Variants in NTAN1 observed in about 807,000 individuals in gnomAD.
The protein encoded by NTAN1 is N-terminal asparagine amidase.
NTAN1 carries 32 observed loss-of-function variants against 41.9 expected under a neutral mutation model. The ratio of observed to expected loss-of-function variants is 0.76; its 90% confidence interval spans 0.58 to 1.03. The LOEUF (loss-of-function observed/expected upper bound fraction) is 1.03. Ranked by LOEUF, NTAN1 falls within the 50% of genes least tolerant of loss-of-function variation. NTAN1 has a pLI of 0.00. For synonymous variants in NTAN1, 140 were observed against 139.5 expected (o/e 1.00, Z -0.03); for missense variants, 377 against 377.5 (o/e 1.00, Z 0.01).
chr16:15,040,991 G>A lies in NTAN1; in HGVS notation c.541+77C>T, dbSNP rs149549840. On this transcript the variant is annotated intron_variant, in intron 7 of 9. Transcript: ENST00000287706. ...GCTGTCCCATCCTGACAGCAGTGGG[G>A]TCATTGGTTTGCTGAATTAGACTTT... The A allele has an allele frequency of 7.0e-5, 68 of 965,534 alleles. No homozygotes were observed. In the East Asian group the frequency reaches 1.6e-3, roughly 23 times the overall value. The allele number at this position is 965,534 out of a possible 1,614,324, so 59.8% of individuals were successfully genotyped here.
At chr16:15,044,020 G>A (rs545815467) in intron 5 of NTAN1, among the ~76,000 whole-genome samples, 5 of 152,280 alleles carry the variant, frequency 3.3e-5, no homozygotes, top group African/African-American at 1.2e-4. Flanking sequence ...ATTTTCTGCA[G>A]ATTAAAATGG....
At chr16:15,048,168 G>C (rs2044152138) in intron 1 of NTAN1, 69 bp from the exon 2 acceptor site, 2 of 1,127,072 alleles carry the variant, frequency 1.8e-6, no homozygotes, top group South Asian at 2.8e-5. Flanking sequence ...AAGATGTGGA[G>C]AGAGCCAAAG....
chr16:15,054,397 C>T (rs1044545501), intron 1 of NTAN1, among the ~76,000 whole-genome samples: 3 of 152,172 alleles, frequency 2.0e-5, no homozygotes, highest in Non-Finnish European at 2.9e-5. Flanking sequence ...GCCCGGGACA[C>T]CCATCTAACT....
chr16:15,044,256 A>G (rs1390207658), intron 5 of NTAN1, 78 bp downstream of exon 5: 17 of 963,224 alleles, frequency 1.8e-5, no homozygotes, highest in Non-Finnish European at 2.6e-5. Flanking sequence ...TTTTGTACCA[A>G]TTGGGATTTT....
chr16:15,040,032 T>G lies in NTAN1; in HGVS notation c.576A>C (p.Ala192=), dbSNP rs14347. The change falls in exon 8 of 10, where the codon GCA becomes GCC. Residue 192 remains alanine, a synonymous_variant. Transcript: ENST00000287706. ...CCTCCGGACCCCGATCTTGAAAGGA[T>G]GCTCTGTAAATCTCTGCAGTCTTAA... is the stretch of plus-strand genomic sequence containing the variant. ...VNIKTAEIYR[A]SFQDRGPEEQ... is the part of the protein sequence containing the mutation. 502,143 of 1,605,154 alleles carry G rather than the reference T, an allele frequency of 0.31. 82,282 individuals carry two copies. Among genetic ancestry groups the G allele is most frequent in the Admixed American group, 0.51 (30,450 of 59,678 alleles).
At chr16:15,041,898 G>A (rs538899615) in intron 5 of NTAN1, among the ~76,000 whole-genome samples, 1 of 152,170 alleles carries the variant, frequency 6.6e-6, no homozygotes, top group African/African-American at 2.4e-5. Context: ...TCAGCCTCAG[G>A]CCCGAAGGAG....
rs377019870 is a variant in NTAN1, at chr16:15,047,201, A to T, written c.359+241T>A. On this transcript the variant is annotated intron_variant, in intron 4 of 9. Transcript: ENST00000287706. The stretch of plus-strand genomic sequence containing the variant: ...CCTCGACGTTCCTGAGACGACATCA[A>T]GTTCAAAGTCAAGCCTTCCATCTCA... The T allele has an allele frequency of 3.4e-5, 18 of 523,616 alleles. No homozygotes were observed. The South Asian group carries it at 4.0e-4, about 12-fold the overall frequency. The allele number at this position is 523,616 out of a possible 1,614,324, so 32.4% of individuals were successfully genotyped here.
At chr16:15,052,833 A>T (rs539860248) in intron 1 of NTAN1, among the ~76,000 whole-genome samples, 76 of 152,224 alleles carry the variant, frequency 5.0e-4, no homozygotes, top group African/African-American at 1.2e-3. Context: ...TCTCAAAAAA[A>T]AAATAAATAA....
intron 8 of NTAN1, among the ~76,000 whole-genome samples, chr16:15,039,655 C>T (rs2043718193): frequency 6.6e-6 from 1 of 152,168 alleles, no homozygotes; most frequent in Non-Finnish European, 1.5e-5. Flanking sequence ...CCCAGTTCTC[C>T]TCTCTTTGTA....
intron 4 of NTAN1, chr16:15,044,950 A>C (rs1009362674): frequency 6.6e-6 from 1 of 152,650 alleles, no homozygotes; most frequent in Middle Eastern, 3.4e-3. Flanking sequence ...GTAAAACTCC[A>C]TCTCTACTAA....
At chr16:15,038,357 A>G (rs1210536141) in intron 9 of NTAN1, 147 bp from the exon 10 acceptor site, 2 of 659,010 alleles carry the variant, frequency 3.0e-6, no homozygotes, top group South Asian at 2.1e-5. Context: ...GTAAGAAAAA[A>G]GTTGATTGCT....
chr16:15,054,629 G>C (rs956360238), intron 1 of NTAN1, among the ~76,000 whole-genome samples: 2 of 152,146 alleles, frequency 1.3e-5, no homozygotes, highest in African/African-American at 4.8e-5. Context: ...GAATCACACA[G>C]AGCTGTCTGC....
intron 1 of NTAN1, among the ~76,000 whole-genome samples, chr16:15,052,486 T>C (rs1438170108): frequency 6.6e-6 from 1 of 152,106 alleles, no homozygotes; most frequent in Non-Finnish European, 1.5e-5. Context: ...TCTTCCTTTA[T>C]AAACAGGAGA....
intron 1 of NTAN1, among the ~76,000 whole-genome samples, chr16:15,049,523 G>A (rs1406498805): frequency 6.6e-6 from 1 of 151,876 alleles, no homozygotes; most frequent in Non-Finnish European, 1.5e-5. Context: ...CCACCTCCCA[G>A]GTTCAAGCGA....
intron 9 of NTAN1, 23 bp downstream of exon 9, chr16:15,038,551 T>A (rs1332170319): frequency 1.5e-6 from 2 of 1,302,892 alleles, no homozygotes; most frequent in Non-Finnish European, 2.2e-6. Context: ...GATTTAAGAC[T>A]TACCCAGCCT....
chr16:15,055,954 C>T lies in NTAN1; in HGVS notation c.18G>A (p.Glu6=), dbSNP rs1327269932. The change falls in exon 1 of 10, where the codon GAG becomes GAA. Residue 6 remains glutamate, a synonymous_variant. Coordinates refer to ENST00000287706, the MANE Select transcript of NTAN1 (RefSeq NM_173474.4). ...ACTGCGGCAGCCGCACTCGCCGCCC[C>T]TCGACGAGCAGCGGCATCGCGGAGG... MPLLV[E]GRRVRLPQSA... 3 of 1,229,676 alleles carry T rather than the reference C, an allele frequency of 2.4e-6. No homozygotes were observed. Among genetic ancestry groups the T allele is most frequent in the Admixed American group, 8.4e-5 (2 of 23,864 alleles). 76.2% of individuals were successfully genotyped at this position (1,229,676 alleles called of 1,614,324 possible). A position where few individuals can be genotyped will look rare whatever the true frequency, so the allele number is the denominator to read the frequency against.
chr16:15,038,742 C>G, intron 8 of NTAN1, 55 bp from the exon 9 acceptor site: 2 of 948,016 alleles, frequency 2.1e-6, no homozygotes, highest in Non-Finnish European at 3.4e-6. Context: ...ACTTTTCAAA[C>G]CCTCCCAGTA....
chr16:15,051,022 C>T (rs2044271745), intron 1 of NTAN1, among the ~76,000 whole-genome samples: 1 of 152,222 alleles, frequency 6.6e-6, no homozygotes, highest in Admixed American at 6.5e-5. Context: ...CTCTCATTTT[C>T]TCATTCCACT....
At chr16:15,054,962 C>A (rs1597828012) in intron 1 of NTAN1, among the ~76,000 whole-genome samples, 1 of 152,258 alleles carries the variant, frequency 6.6e-6, no homozygotes, top group East Asian at 1.9e-4. Context: ...AAAGGGGACG[C>A]TTTTTCTTTA....
Sources: gnomAD v4.1 joint callset for allele counts (sites outside exome capture counted in the v4.1 genomes callset) on GRCh38, gnomAD v4.1.1 for gene constraint, MANE v1.5 for transcripts, NCBI Gene and HGNC (gene_info 2026-07-23, HGNC 2026-07-21) for gene names.